Variants in OVOL2 observed in about 807,000 individuals in gnomAD.
OVOL2 encodes the protein transcription factor Ovo-like 2.
Under a neutral mutation model 18.1 loss-of-function variants are expected in OVOL2, and 13 were observed. That is an observed-to-expected ratio of 0.72 (90% CI 0.47 to 1.14). OVOL2 has a LOEUF of 1.14. OVOL2 is among the 50% of genes most tolerant of loss of function. The pLI, the probability that OVOL2 is intolerant of heterozygous loss-of-function variation, is 0.00. For missense variants in OVOL2, 335 were observed against 383.0 expected, an observed-to-expected ratio of 0.87 and a Z score of 1.05; for synonymous variants, 166 against 162.7, an observed-to-expected ratio of 1.02 and a Z score of -0.16.
chr20:18,056,018 G>A lies in OVOL2; in HGVS notation c.321+639C>T, dbSNP rs1053742837. On this transcript the variant is annotated intron_variant, in intron 2 of 3. Coordinates refer to ENST00000278780, the MANE Select transcript of OVOL2 (RefSeq NM_021220.4). This position sits in a 1 kb window ranked among gnomAD's most constrained non-coding sequence, Gnocchi z 4.2. ...GGAGGAAACACTCCAATCCACTGGG[G>A]TAGGGGCGCTCGAGAAATCTGTAGT... is the stretch of plus-strand genomic sequence containing the variant. Among the ~76,000 whole-genome samples, 1 of 152,216 alleles carries A rather than the reference G, an allele frequency of 6.6e-6. No homozygotes were observed. The highest frequency in any genetic ancestry group is 1.5e-5 in the Non-Finnish European group (1 of 68,034).
intron 3 of OVOL2, among the ~76,000 whole-genome samples, chr20:18,032,394 A>G (rs563929038): frequency 7.1e-6 from 1 of 140,494 alleles, no homozygotes; most frequent in Admixed American, 6.9e-5. Flanking sequence ...GGAAGGAAGG[A>G]AGGGAGGAAG....
At chr20:18,034,711 A>G (rs7360632) in intron 3 of OVOL2, among the ~76,000 whole-genome samples, 23,808 of 151,362 alleles carry the variant, frequency 0.16, 3,046 homozygotes, top group African/African-American at 0.33. Flanking sequence ...TCACAGCCAA[A>G]AAAGAAGTCC....
At position 18,024,799 on chromosome 20, in the gene OVOL2, G is replaced by A. The variant is rs1055535456; in HGVS notation, c.665C>T (p.Thr222Met). The A allele has an allele frequency of 5.6e-6, 9 of 1,614,066 alleles. No individual in the cohort carries two copies. Among genetic ancestry groups the A allele is most frequent in the East Asian group, 2.2e-5 (1 of 44,896 alleles). ...KLYVCEDCGYTGPTQEDLYLH... is the reference protein window; with the variant it reads ...KLYVCEDCGYMGPTQEDLYLH... ...GTACAGGTCCTCCTGGGTGGGGCCC[G>A]TGTAGCCGCAATCCTCGCAGACGTA... The change falls in exon 4 of 4, where the codon ACG (threonine) becomes ATG (methionine). Residue 222 changes from threonine (T) to methionine (M), a missense_variant. Thr to Met is a moderately conservative substitution (Grantham distance 81). Coordinates refer to ENST00000278780, the MANE Select transcript of OVOL2 (RefSeq NM_021220.4).
At chr20:18,026,927 A>G (rs1004003651) in intron 3 of OVOL2, among the ~76,000 whole-genome samples, 5 of 152,102 alleles carry the variant, frequency 3.3e-5, no homozygotes, top group African/African-American at 1.2e-4. Context: ...AGGTGGAACA[A>G]CAGACGCTGG....
intron 3 of OVOL2, among the ~76,000 whole-genome samples, chr20:18,038,112 T>C (rs2036634976): frequency 6.6e-6 from 1 of 152,220 alleles, no homozygotes; most frequent in African/African-American, 2.4e-5. Flanking sequence ...GTGCCACTTT[T>C]TCTTCTGTCT....
At position 18,048,201 on chromosome 20, in the gene OVOL2, C is replaced by T. The variant is rs528406673; in HGVS notation, c.322-6478G>A. On this transcript the variant is annotated intron_variant, in intron 2 of 3. Transcript: ENST00000278780. ...ACTCAGGAGGCTGAGGCACGAGAAT[C>T]ACTTGAACCCGGGAGGCGGAGTTTG... is the stretch of plus-strand genomic sequence containing the variant. 1.3e-4 allele frequency among the ~76,000 whole-genome samples: 20 copies of T among 151,980 alleles called. No homozygotes were observed. The South Asian group carries it at 3.3e-3, about 25-fold the overall frequency.
chr20:18,058,780 TTTA>T (rs2036853534), upstream of OVOL2: 1 of 152,194 alleles, frequency 6.6e-6, no homozygotes, highest in African/African-American at 2.4e-5. Context: ...AAGCTTTGCA[TTTA>T]TTATTATATC....
rs551208053 is a variant in OVOL2 at position 18,045,727 on chromosome 20, C to T, written c.322-4004G>A. ...CTCTTATCCTCAAGGGATCCTCCTGCCTCAGCCTCCCAAAGTGCTGGGATT... is the reference window on the plus strand; with the variant it reads ...CTCTTATCCTCAAGGGATCCTCCTGTCTCAGCCTCCCAAAGTGCTGGGATT... On this transcript the variant is annotated intron_variant, in intron 2 of 3. Transcript: ENST00000278780. Among the ~76,000 whole-genome samples the T allele has an allele frequency of 7.9e-4, 121 of 152,254 alleles. 2 individuals carry two copies. The highest frequency in any genetic ancestry group is 5.3e-4 in the Non-Finnish European group (36 of 68,024).
At chr20:18,032,295 G>GA (rs139463540) in intron 3 of OVOL2, among the ~76,000 whole-genome samples, 4 of 143,618 alleles carry the variant, frequency 2.8e-5, no homozygotes, top group Non-Finnish European at 5.9e-5. Context: ...GAAAGGAAAG[G>GA]AAGGAAGGAA....
intron 3 of OVOL2, among the ~76,000 whole-genome samples, chr20:18,032,378 GAGGA>G (rs150924331): frequency 0.13 from 19,115 of 150,640 alleles, 1,436 homozygotes; most frequent in African/African-American, 0.2. Context: ...GGAAGGGAAG[GAGGA>G]AGGAAGGAAG....
rs769786984 is a variant in OVOL2, at chr20:18,041,697, C to A, written c.348G>T (p.Ser116=). 2 of 1,613,464 alleles carry A rather than the reference C, an allele frequency of 1.2e-6. No individual in the cohort carries two copies. The highest frequency in any genetic ancestry group is 2.2e-5 in the East Asian group (1 of 44,854). The change falls in exon 3 of 4, where the codon TCG becomes TCT. Residue 116 remains serine, a synonymous_variant. Coordinates refer to ENST00000278780, the MANE Select transcript of OVOL2 (RefSeq NM_021220.4). ...IKFTTGTCSD[S]VVHSCDLCGK... Reference sequence around the variant, plus strand: ...CACACAGGTCACAGCTGTGAACCACCGAGTCGCTGCACGTGCCTGTGGTGA... The same window carrying A: ...CACACAGGTCACAGCTGTGAACCACAGAGTCGCTGCACGTGCCTGTGGTGA...
chr20:18,032,638 C>T (rs1403382314), intron 3 of OVOL2, among the ~76,000 whole-genome samples: 2 of 152,130 alleles, frequency 1.3e-5, no homozygotes, highest in Non-Finnish European at 2.9e-5. Flanking sequence ...TCCTGAGTAG[C>T]TGGGATTACA....
Position 18,057,494 on chromosome 20 carries a change from C to T in OVOL2, c.100+41G>A. On this transcript the variant is annotated intron_variant, in intron 1 of 3. Transcript: ENST00000278780. This position sits in a 1 kb window ranked among gnomAD's most constrained non-coding sequence, Gnocchi z 6.3. The stretch of plus-strand genomic sequence containing the variant: ...AGACCCGCCACCCCTTCCCCCACCC[C>T]GGGAGCCCAGCGCCCAGGCCCGGCC... 2 of 1,545,898 alleles carry T rather than the reference C, an allele frequency of 1.3e-6. No individual in the cohort carries two copies. Among genetic ancestry groups the T allele is most frequent in the Non-Finnish European group, 1.7e-6 (2 of 1,144,228 alleles).
At chr20:18,030,974 G>C (rs561437591) in intron 3 of OVOL2, among the ~76,000 whole-genome samples, 3 of 152,292 alleles carry the variant, frequency 2.0e-5, no homozygotes, top group Non-Finnish European at 4.4e-5. Context: ...GGGGACGTGG[G>C]TGGCCAGAGA....
chr20:18,053,322 G>C (rs1287034240), intron 2 of OVOL2, among the ~76,000 whole-genome samples: 4 of 152,146 alleles, frequency 2.6e-5, no homozygotes, highest in African/African-American at 9.7e-5. Flanking sequence ...ACTCTTCTAG[G>C]AGGCTGATTC....
intron 3 of OVOL2, among the ~76,000 whole-genome samples, chr20:18,039,937 C>A (rs1034126339): frequency 1.3e-5 from 2 of 150,786 alleles, no homozygotes; most frequent in Non-Finnish European, 3.0e-5. Flanking sequence ...CTTTTTTTTT[C>A]CCCTTGAGAC....
intron 2 of OVOL2, among the ~76,000 whole-genome samples, chr20:18,042,775 CAAAAAAA>C (rs141784334): frequency 2.1e-5 from 2 of 93,576 alleles, no homozygotes; most frequent in African/African-American, 8.5e-5. Context: ...AACTCCGTCT[CAAAAAAA>C]AAAAAAAAAA....
intron 2 of OVOL2, 93 bp from the exon 3 acceptor site, chr20:18,041,816 G>C: frequency 8.3e-7 from 1 of 1,202,828 alleles, no homozygotes; most frequent in East Asian, 2.7e-5. Flanking sequence ...TCTTGAGGCT[G>C]CCCTGTCTGC....
chr20:18,036,963 C>T (rs1443779348), intron 3 of OVOL2, among the ~76,000 whole-genome samples: 3 of 151,780 alleles, frequency 2.0e-5, no homozygotes, highest in African/African-American at 7.3e-5. Context: ...GGTGAAACCC[C>T]GTCTCTACTG....
Sources: gnomAD v4.1 joint callset for allele counts (sites outside exome capture counted in the v4.1 genomes callset) on GRCh38, gnomAD v4.1.1 for gene constraint, Gnocchi (gnomAD v3.1) non-coding constraint, MANE v1.5 for transcripts, NCBI Gene and HGNC (gene_info 2026-07-23, HGNC 2026-07-21) for gene names.